PLA2G4A: variants seen among roughly 807,000 people sequenced by gnomAD.
PLA2G4A encodes cytosolic phospholipase A2.
PLA2G4A carries 40 observed loss-of-function variants against 81.9 expected under a neutral mutation model. That is an observed-to-expected ratio of 0.49 (90% CI 0.38 to 0.64). The LOEUF (loss-of-function observed/expected upper bound fraction) is 0.64, where lower values mean the gene tolerates loss of function less well. Ranked by LOEUF, PLA2G4A falls within the 30% of genes least tolerant of loss-of-function variation. The pLI is 0.00. For missense variants in PLA2G4A, 715 were observed against 905.1 expected (o/e 0.79, Z 2.69); for synonymous variants, 302 against 296.9 (o/e 1.02, Z -0.18).
chr1:186,861,292 C>T (rs1652788466), intron 2 of PLA2G4A, among the ~76,000 whole-genome samples: 1 of 152,132 alleles, frequency 6.6e-6, no homozygotes, highest in Non-Finnish European at 1.5e-5. Flanking sequence ...TACCAGCGAC[C>T]TTATCCTTAG....
At chr1:186,877,860 CAGAATTTTAGA>C (rs1194498050) in intron 3 of PLA2G4A, among the ~76,000 whole-genome samples, 5 of 150,394 alleles carry the variant, frequency 3.3e-5, no homozygotes, top group African/African-American at 1.2e-4. Context: ...TTCAGTGAGA[CAGAATTTTAGA>C]AAACAATTTT....
At chr1:186,906,357 T>A (rs12720544) in intron 5 of PLA2G4A, among the ~76,000 whole-genome samples, 39 of 152,234 alleles carry the variant, frequency 2.6e-4, no homozygotes, top group African/African-American at 9.4e-4. Context: ...TCCTTCAATA[T>A]GTTTGATAGG....
intron 6 of PLA2G4A, among the ~76,000 whole-genome samples, chr1:186,910,582 C>T (rs906011578): frequency 1.3e-4 from 20 of 152,158 alleles, no homozygotes; most frequent in African/African-American, 4.3e-4. Context: ...ATCGTTCTTG[C>T]AATGATTCAT....
In PLA2G4A at chr1:186,921,763, G is replaced by T. The variant is rs1219620173; in HGVS notation, c.558+10374G>T. Among the ~76,000 whole-genome samples the T allele has an allele frequency of 2.6e-5, 4 of 152,230 alleles. No homozygotes were observed. In the East Asian group the frequency reaches 7.7e-4, roughly 29 times the overall value. On this transcript the variant is annotated intron_variant, in intron 7 of 17. Transcript: ENST00000367466. ...TGGGTCGGACAGGACTTTTGGTCCCGACTTCCCTCGGTGGGTGGAGGGAGA... is the reference window on the plus strand; with the variant it reads ...TGGGTCGGACAGGACTTTTGGTCCCTACTTCCCTCGGTGGGTGGAGGGAGA...
chr1:186,987,462 C>A (rs1484599084), intron 17 of PLA2G4A, among the ~76,000 whole-genome samples: 9 of 152,232 alleles, frequency 5.9e-5, no homozygotes, highest in Non-Finnish European at 1.2e-4. Flanking sequence ...TGACTTGCCT[C>A]GGTTTCCTGA....
intron 15 of PLA2G4A, among the ~76,000 whole-genome samples, chr1:186,971,591 A>T (rs1657358630): frequency 6.6e-6 from 1 of 151,986 alleles, no homozygotes; most frequent in Non-Finnish European, 1.5e-5. Context: ...GTACTTCAGC[A>T]AGTTCAAAGT....
intron 14 of PLA2G4A, among the ~76,000 whole-genome samples, chr1:186,957,334 T>C (rs913400926): frequency 1.6e-4 from 25 of 152,078 alleles, no homozygotes; most frequent in Admixed American, 6.5e-5. Context: ...ATTAGGTGCT[T>C]ATAAAATCGT....
chr1:186,921,469 C>T (rs965482090), intron 7 of PLA2G4A, among the ~76,000 whole-genome samples: 3 of 152,188 alleles, frequency 2.0e-5, no homozygotes, highest in South Asian at 2.1e-4. Context: ...CACAAAGGCA[C>T]GCCTTTCCAC....
intron 2 of PLA2G4A, among the ~76,000 whole-genome samples, chr1:186,858,379 G>A (rs915764482): frequency 6.6e-6 from 1 of 152,112 alleles, no homozygotes; most frequent in African/African-American, 2.4e-5. Flanking sequence ...ATTTTTTCAT[G>A]TGTCTGTTGG....
intron 3 of PLA2G4A, among the ~76,000 whole-genome samples, chr1:186,882,530 G>A (rs1191054447): frequency 6.6e-6 from 1 of 152,070 alleles, no homozygotes; most frequent in East Asian, 1.9e-4. Flanking sequence ...AGATTCCAAA[G>A]ATGCCTCTTT....
In PLA2G4A at chr1:186,979,652, C is replaced by T. The variant is rs1203837563; in HGVS notation, c.2118+180C>T. 2.0e-5 allele frequency among the ~76,000 whole-genome samples: 3 copies of T among 152,096 alleles called. No homozygotes were observed. In the East Asian group the frequency reaches 5.8e-4, roughly 29 times the overall value. On this transcript the variant is annotated intron_variant, in intron 17 of 17. Coordinates refer to ENST00000367466, the MANE Select transcript of PLA2G4A (RefSeq NM_024420.3). Reference sequence around the variant, plus strand: ...CTTCAGAAGAACCCTACAAAACTGACAAATAAGGAAACTCATTTTATGCTA... The same window carrying T: ...CTTCAGAAGAACCCTACAAAACTGATAAATAAGGAAACTCATTTTATGCTA...
chr1:186,888,612 A>G (rs1177166685), intron 3 of PLA2G4A, among the ~76,000 whole-genome samples: 1 of 152,206 alleles, frequency 6.6e-6, no homozygotes, highest in Non-Finnish European at 1.5e-5. Context: ...CTCTAAAATT[A>G]GGCTATTAAC....
chr1:186,931,089 T>C (rs1440894546), intron 7 of PLA2G4A, among the ~76,000 whole-genome samples: 1 of 152,202 alleles, frequency 6.6e-6, no homozygotes, highest in African/African-American at 2.4e-5. Flanking sequence ...CTGTATAACC[T>C]ACTTTAGTTT....
rs147514219 is a variant in PLA2G4A at position 186,845,376 on chromosome 1, A to C, written c.-69-8910A>C. Among the ~76,000 whole-genome samples the C allele has an allele frequency of 2.8e-4, 43 of 152,142 alleles. No homozygotes were observed. The East Asian group carries it at 7.5e-3, about 27-fold the overall frequency. ...CTAGGTACTGTGCTTGGTGATTTAC[A>C]TATATTTTCTTATTTCATCCTCCCA... On this transcript the variant is annotated intron_variant, in intron 1 of 17. Transcript: ENST00000367466.
At chr1:186,915,226 G>A (rs1655097332) in intron 7 of PLA2G4A, among the ~76,000 whole-genome samples, 1 of 152,108 alleles carries the variant, frequency 6.6e-6, no homozygotes, top group South Asian at 2.1e-4. Flanking sequence ...AATTAGTAAG[G>A]TTAAATTTCC....
intron 3 of PLA2G4A, among the ~76,000 whole-genome samples, chr1:186,883,517 C>A (rs916438376): frequency 2.6e-5 from 4 of 152,042 alleles, no homozygotes; most frequent in African/African-American, 9.7e-5. Flanking sequence ...GCGATCATTC[C>A]TTTGCAACTT....
At chr1:186,926,651 T>C (rs533104612) in intron 7 of PLA2G4A, among the ~76,000 whole-genome samples, 1 of 152,356 alleles carries the variant, frequency 6.6e-6, no homozygotes, top group East Asian at 1.9e-4. Context: ...CCTATTCATC[T>C]CAATACAGAC....
chr1:186,958,204 A>G (rs1299587087), intron 14 of PLA2G4A, among the ~76,000 whole-genome samples: 1 of 152,182 alleles, frequency 6.6e-6, no homozygotes, highest in African/African-American at 2.4e-5. Context: ...GGTATGTCTG[A>G]TTATATACCG....
intron 2 of PLA2G4A, among the ~76,000 whole-genome samples, chr1:186,855,254 A>G (rs370047528): frequency 1.3e-5 from 2 of 152,026 alleles, no homozygotes; most frequent in East Asian, 3.9e-4. Context: ...TAAACTCTTC[A>G]GTCCCCCCAC....
Sources: gnomAD v4.1 joint callset for allele counts (sites outside exome capture counted in the v4.1 genomes callset) on GRCh38, gnomAD v4.1.1 for gene constraint, MANE v1.5 for transcripts, NCBI Gene and HGNC (gene_info 2026-07-23, HGNC 2026-07-21) for gene names.